The following MOXD1 variants were observed in gnomAD, a reference collection of about 807,000 sequenced individuals.
MOXD1 encodes DBH-like monooxygenase protein 1.
A neutral mutation model predicts 66.6 loss-of-function variants in MOXD1; 62 were observed. The observed-to-expected ratio is 0.93, with a 90% CI of 0.76 to 1.15. MOXD1 has a LOEUF of 1.15. Ranked by LOEUF, MOXD1 falls within the 50% of genes most tolerant of loss-of-function variation. The pLI is 0.00. For missense variants in MOXD1, 847 were observed against 754.6 expected (o/e 1.12, Z -1.44); for synonymous variants, 303 against 281.9 (o/e 1.07, Z -0.75).
At chr6:132,398,784 C>A (rs1188594476) in intron 1 of MOXD1, among the ~76,000 whole-genome samples, 2 of 151,662 alleles carry the variant, frequency 1.3e-5, no homozygotes, top group Non-Finnish European at 2.9e-5. Flanking sequence ...TACTAAAATA[C>A]AAAAATCAGC....
chr6:132,364,338 A>G (rs111433961), intron 4 of MOXD1, among the ~76,000 whole-genome samples: 5 of 152,304 alleles, frequency 3.3e-5, no homozygotes, highest in African/African-American at 9.6e-5. Flanking sequence ...TGACTCCAAG[A>G]ATGAGAAAAC....
intron 10 of MOXD1, among the ~76,000 whole-genome samples, chr6:132,302,613 G>T (rs182369254): frequency 1.3e-5 from 2 of 152,238 alleles, no homozygotes; most frequent in Admixed American, 1.3e-4. Context: ...ACTCAATATT[G>T]TTAAGGTATC....
chr6:132,310,010 A>C (rs566438119), intron 10 of MOXD1, among the ~76,000 whole-genome samples: 51 of 152,234 alleles, frequency 3.4e-4, no homozygotes, highest in Non-Finnish European at 6.9e-4. Flanking sequence ...ATGGGATCTA[A>C]TTAAACTAAA....
At chr6:132,379,963 G>T (rs1776477446) in intron 1 of MOXD1, among the ~76,000 whole-genome samples, 1 of 152,070 alleles carries the variant, frequency 6.6e-6, no homozygotes. Context: ...CGTTGCCCAG[G>T]CTGGTCTCAA....
At chr6:132,338,854 G>T (rs980679712) in intron 4 of MOXD1, among the ~76,000 whole-genome samples, 4 of 152,116 alleles carry the variant, frequency 2.6e-5, no homozygotes, top group African/African-American at 9.7e-5. Context: ...TCAATGGCTG[G>T]TCCATGTGAA....
At chr6:132,380,577 A>G (rs976583218) in intron 1 of MOXD1, among the ~76,000 whole-genome samples, 1 of 152,110 alleles carries the variant, frequency 6.6e-6, no homozygotes, top group Non-Finnish European at 1.5e-5. Context: ...CTGAATTCCT[A>G]TTCCTCTATT....
At chr6:132,297,594 T>TA (rs771033606) in intron 11 of MOXD1, among the ~76,000 whole-genome samples, 193 bp downstream of exon 11, 152 of 152,340 alleles carry the variant, frequency 1.0e-3, no homozygotes, top group Non-Finnish European at 1.7e-3. Context: ...GTTTTAGAAC[T>TA]AATTTTTCTC....
At chr6:132,390,179 G>A (rs1439883640) in intron 1 of MOXD1, among the ~76,000 whole-genome samples, 2 of 151,370 alleles carry the variant, frequency 1.3e-5, no homozygotes, top group South Asian at 2.1e-4. Flanking sequence ...GAGCTCATGC[G>A]GTTCAGACAC....
At chr6:132,338,916 A>T (rs1366021464) in intron 4 of MOXD1, among the ~76,000 whole-genome samples, 1 of 152,218 alleles carries the variant, frequency 6.6e-6, no homozygotes, top group African/African-American at 2.4e-5. Flanking sequence ...TTACTATCTT[A>T]AGTTGGATCC....
chr6:132,309,303 C>T (rs552175017), intron 10 of MOXD1, among the ~76,000 whole-genome samples: 87 of 152,210 alleles, frequency 5.7e-4, no homozygotes, highest in African/African-American at 2.1e-3. Context: ...CCTAGGAATA[C>T]AGCTAACAAG....
intron 1 of MOXD1, among the ~76,000 whole-genome samples, chr6:132,396,600 GA>G (rs1025666626): frequency 6.6e-6 from 1 of 151,510 alleles, no homozygotes; most frequent in African/African-American, 2.4e-5. Flanking sequence ...TTAGTTTTTT[GA>G]AAAGATTAAC....
At chr6:132,395,145 T>C (rs975120477) in intron 1 of MOXD1, among the ~76,000 whole-genome samples, 1 of 152,058 alleles carries the variant, frequency 6.6e-6, no homozygotes, top group Non-Finnish European at 1.5e-5. Context: ...TGGGCTGATA[T>C]ATTCAAGATG....
chr6:132,372,896 T>A lies in MOXD1; in HGVS notation c.513A>T (p.Leu171Phe). ...DSNRGTKSLRLLNPEKTSVLS... is the reference protein window; with the variant it reads ...DSNRGTKSLRFLNPEKTSVLS... ...GCACACTAGTTTTCTCAGGATTCAA[T>A]AACCGCAAACTCTTGGTGCCCCTAT... The change falls in exon 3 of 12, where the codon TTA becomes TTT. Residue 171 changes from leucine to phenylalanine, a missense_variant. Leu to Phe is a conservative substitution (Grantham distance 22, BLOSUM62 0). Transcript: ENST00000367963. The A allele has an allele frequency of 6.2e-7, 1 of 1,614,076 alleles. No individual in the cohort carries two copies.
intron 1 of MOXD1, among the ~76,000 whole-genome samples, chr6:132,382,705 A>G (rs1390733898): frequency 6.6e-6 from 1 of 152,190 alleles, no homozygotes; most frequent in East Asian, 1.9e-4. Context: ...TATGAAATAT[A>G]TACTTGAGGT....
At chr6:132,376,006 G>A (rs1403288105) in intron 1 of MOXD1, among the ~76,000 whole-genome samples, 1 of 152,054 alleles carries the variant, frequency 6.6e-6, no homozygotes, top group African/African-American at 2.4e-5. Context: ...CCATAGTTTG[G>A]TTTTATCCCC....
At chr6:132,388,779 G>C (rs1303898635) in intron 1 of MOXD1, among the ~76,000 whole-genome samples, 1 of 151,406 alleles carries the variant, frequency 6.6e-6, no homozygotes, top group Non-Finnish European at 1.5e-5. Context: ...TACAAGCCTA[G>C]AATTACCTAG....
At chr6:132,387,367 A>G (rs553189294) in intron 1 of MOXD1, among the ~76,000 whole-genome samples, 2 of 151,510 alleles carry the variant, frequency 1.3e-5, no homozygotes, top group South Asian at 4.3e-4. Context: ...TGTATTCCCA[A>G]TGAATTTTTA....
chr6:132,323,398 A>G (rs886542773), intron 7 of MOXD1, among the ~76,000 whole-genome samples: 6 of 152,146 alleles, frequency 3.9e-5, no homozygotes, highest in Non-Finnish European at 4.4e-5. Flanking sequence ...CTCAACCACA[A>G]TATCATATAA....
At position 132,297,874 on chromosome 6, in the gene MOXD1, A is replaced by G. The variant is rs1774445703; in HGVS notation, c.1590T>C (p.Thr530=). 6.2e-7 allele frequency: 1 copy of G among 1,613,404 alleles called. No individual in the cohort carries two copies. The highest frequency in any genetic ancestry group is 1.3e-5 in the African/African-American group (1 of 75,008). Reference sequence around the variant, plus strand: ...TGTTGAAGGAGAGACCTTCCTTTTTAGTCCATTTAAACTTATTCATAGCAT... The same window carrying G: ...TGTTGAAGGAGAGACCTTCCTTTTTGGTCCATTTAAACTTATTCATAGCAT... The part of the protein sequence containing the change: ...FMDAMNKFKW[T]KKEGLSFNKL... The change falls in exon 11 of 12, where the codon ACT becomes ACC. Residue 530 remains threonine (T), a synonymous_variant. Transcript: ENST00000367963.
Sources: gnomAD v4.1 joint callset for allele counts (sites outside exome capture counted in the v4.1 genomes callset) on GRCh38, gnomAD v4.1.1 for gene constraint, MANE v1.5 for transcripts, NCBI Gene and HGNC (gene_info 2026-07-23, HGNC 2026-07-21) for gene names.